Variants in SMG6 observed in about 807,000 individuals in gnomAD.
SMG6 encodes telomerase-binding protein EST1A.
Under a neutral mutation model 142.2 loss-of-function variants are expected in SMG6, and 66 were observed. That is an observed-to-expected ratio of 0.46 (90% CI 0.38 to 0.57). SMG6 has a LOEUF of 0.57. Among genes scored for constraint, SMG6 ranks in the 20% least tolerant of loss-of-function variants. The pLI is 0.00. For missense variants in SMG6, 1,793 were observed against 1,832.0 expected (o/e 0.98, Z 0.39); for synonymous variants, 779 against 702.4 (o/e 1.11, Z -1.72).
At chr17:2,183,830 G>A (rs1214078596) in intron 12 of SMG6, among the ~76,000 whole-genome samples, 3 of 151,718 alleles carry the variant, frequency 2.0e-5, no homozygotes, top group African/African-American at 4.8e-5. Flanking sequence ...GAGAAAGACA[G>A]AGGCAGGCAG....
At chr17:2,260,737 G>A (rs1193090628) in intron 8 of SMG6, among the ~76,000 whole-genome samples, 1 of 152,204 alleles carries the variant, frequency 6.6e-6, no homozygotes, top group African/African-American at 2.4e-5. Context: ...GCTCATGCCT[G>A]TAATCCCAGC....
At chr17:2,135,818 T>C (rs1243235769) in intron 13 of SMG6, among the ~76,000 whole-genome samples, 1 of 150,998 alleles carries the variant, frequency 6.6e-6, no homozygotes, top group Non-Finnish European at 1.5e-5. Context: ...GCCCCTTGAG[T>C]AGCTGGGACT....
At chr17:2,178,471 A>G (rs750994584) in intron 12 of SMG6, among the ~76,000 whole-genome samples, 1 of 152,186 alleles carries the variant, frequency 6.6e-6, no homozygotes, top group Non-Finnish European at 1.5e-5. Context: ...GAGAGTACTC[A>G]CCCTAAATCA....
chr17:2,182,952 T>C (rs1002139027), intron 12 of SMG6, among the ~76,000 whole-genome samples: 2 of 148,732 alleles, frequency 1.3e-5, no homozygotes, highest in African/African-American at 2.5e-5. Context: ...TAAGGAAGAG[T>C]AGAGATAAGA....
chr17:2,197,468 A>C (rs1253833384), intron 10 of SMG6, among the ~76,000 whole-genome samples: 2 of 152,110 alleles, frequency 1.3e-5, no homozygotes, highest in East Asian at 3.8e-4. Context: ...TGGGAGGCAG[A>C]AGTGGGAGGA....
At chr17:2,104,799 G>A (rs2069109564) in intron 13 of SMG6, among the ~76,000 whole-genome samples, 2 of 152,256 alleles carry the variant, frequency 1.3e-5, no homozygotes, top group African/African-American at 4.8e-5. Context: ...ATGAAGCTGG[G>A]CTTTGAACCC....
At chr17:2,238,984 G>A (rs545537891) in intron 9 of SMG6, among the ~76,000 whole-genome samples, 3 of 151,992 alleles carry the variant, frequency 2.0e-5, no homozygotes, top group African/African-American at 4.8e-5. Context: ...CAGTAACCAC[G>A]GGAGGCACAG....
At chr17:2,097,247 TG>T (rs779348109) in intron 13 of SMG6, among the ~76,000 whole-genome samples, 2 of 152,048 alleles carry the variant, frequency 1.3e-5, no homozygotes, top group Non-Finnish European at 2.9e-5. Flanking sequence ...CTCGACTTCC[TG>T]GGCTTAGGTG....
intron 10 of SMG6, among the ~76,000 whole-genome samples, chr17:2,192,536 C>G (rs572670858): frequency 6.6e-6 from 1 of 152,186 alleles, no homozygotes; most frequent in Non-Finnish European, 1.5e-5. Flanking sequence ...TGGAGAAAAA[C>G]GCAGGCAAGA....
In SMG6 at chr17:2,173,624, C is replaced by T. The variant is rs907018636; in HGVS notation, c.3156-765G>A. On this transcript the variant is annotated intron_variant, in intron 12 of 18. Coordinates refer to ENST00000263073, the MANE Select transcript of SMG6 (RefSeq NM_017575.5). ...AAGTCCCACGTCCCCAGAAACCCCC[C>T]AGTCCTGGGCAAACTGGGATGGCTG... 1.3e-4 allele frequency among the ~76,000 whole-genome samples: 20 copies of T among 152,312 alleles called. No individual in the cohort carries two copies. The South Asian group carries it at 2.7e-3, about 21-fold the overall frequency.
intron 12 of SMG6, among the ~76,000 whole-genome samples, chr17:2,181,094 A>G (rs141513934): frequency 4.9e-4 from 74 of 152,352 alleles, no homozygotes; most frequent in African/African-American, 1.7e-3. Context: ...TGACCTTAAA[A>G]GAAAAGCCTC....
At chr17:2,301,046 A>G (rs1211124928) in intron 1 of SMG6, among the ~76,000 whole-genome samples, 1 of 152,206 alleles carries the variant, frequency 6.6e-6, no homozygotes, top group Non-Finnish European at 1.5e-5. Flanking sequence ...TTCTCTATCT[A>G]TAGAGCCTGT....
At chr17:2,127,975 T>C in intron 13 of SMG6, 1 of 529,878 alleles carries the variant, frequency 1.9e-6, no homozygotes, top group African/African-American at 1.9e-5. Context: ...CCCATGGTCT[T>C]CCAGAAAGCA....
chr17:2,205,225 T>C (rs558968378), intron 10 of SMG6, among the ~76,000 whole-genome samples: 2 of 152,104 alleles, frequency 1.3e-5, no homozygotes, highest in East Asian at 3.9e-4. Context: ...CTCACCACCA[T>C]GTCTGGCTAA....
chr17:2,129,522 GGT>G (rs2070028583), intron 13 of SMG6, among the ~76,000 whole-genome samples: 1 of 152,044 alleles, frequency 6.6e-6, no homozygotes, highest in African/African-American at 2.4e-5. Context: ...GGCCAGGCAT[GGT>G]TGGTCACACC....
chr17:2,116,217 A>G (rs2069501111), intron 13 of SMG6, among the ~76,000 whole-genome samples: 1 of 152,004 alleles, frequency 6.6e-6, no homozygotes, highest in South Asian at 2.1e-4. Context: ...ACATATGGGT[A>G]TGAGCCACCC....
chr17:2,120,729 C>A (rs1056783957), intron 13 of SMG6, among the ~76,000 whole-genome samples: 5 of 152,038 alleles, frequency 3.3e-5, no homozygotes, highest in African/African-American at 7.2e-5. Context: ...TCTGAAAAAA[C>A]AAAAAGCATA....
rs568407758 is a variant in SMG6, at chr17:2,221,327, A to G, written c.2869+15165T>C. ...AGCTCTCGGGACATCTGGTTGTTTT[A>G]AAGTCTGTAGCCCCTCCCCCTTCAC... is the stretch of plus-strand genomic sequence containing the variant. On this transcript the variant is annotated intron_variant, in intron 10 of 18. Coordinates refer to ENST00000263073, the MANE Select transcript of SMG6 (RefSeq NM_017575.5). Among the ~76,000 whole-genome samples the G allele has an allele frequency of 1.2e-3, 177 of 152,092 alleles. 1 individual carries two copies. Among genetic ancestry groups the G allele is most frequent in the African/African-American group, 4.2e-3 (173 of 41,480 alleles).
In SMG6 at chr17:2,211,520, C is replaced by A. The variant is rs1429681814; in HGVS notation, c.2870-23005G>T. Among the ~76,000 whole-genome samples the A allele has an allele frequency of 2.0e-5, 3 of 151,966 alleles. No homozygotes were observed. The South Asian group carries it at 6.2e-4, about 32-fold the overall frequency. Reference sequence around the variant, plus strand: ...TCTACTAAAAACACAAAAAATTAGCCGGGCGTGGTGGTGGGCGCCTGTAGT... The same window carrying A: ...TCTACTAAAAACACAAAAAATTAGCAGGGCGTGGTGGTGGGCGCCTGTAGT... On this transcript the variant is annotated intron_variant, in intron 10 of 18. Coordinates refer to ENST00000263073, the MANE Select transcript of SMG6 (RefSeq NM_017575.5).
Sources: allele counts gnomAD v4.1 joint callset (sites outside exome capture counted in the v4.1 genomes callset), GRCh38; gene constraint gnomAD v4.1.1; transcripts MANE v1.5; gene names NCBI Gene and HGNC (gene_info 2026-07-23, HGNC 2026-07-21).